Variants in REDIC1 observed in about 807,000 individuals in gnomAD.
REDIC1 encodes the protein HEI10 Interacting Protein 1.
the REDIC1 span, among the ~76,000 whole-genome samples, chr12:39,674,832 A>G: frequency 7.9e-5 from 12 of 152,192 alleles, no homozygotes; most frequent in Non-Finnish European, 1.6e-4. Flanking sequence ...GAGGGGCCAC[A>G]GGGTGAAAGA....
chr12:39,631,946 C>A, the REDIC1 span, among the ~76,000 whole-genome samples: 1 of 151,872 alleles, frequency 6.6e-6, no homozygotes, highest in East Asian at 1.9e-4. Context: ...CACATGTATA[C>A]AATAAATATT....
At chr12:39,749,766 C>T in the REDIC1 span, among the ~76,000 whole-genome samples, 2,589 of 151,868 alleles carry the variant, frequency 0.017, 31 homozygotes, top group Non-Finnish European at 0.028. Context: ...GTTCAACATA[C>T]GGAAATCAAT....
At chr12:39,732,359 C>T in the REDIC1 span, among the ~76,000 whole-genome samples, 3 of 152,258 alleles carry the variant, frequency 2.0e-5, no homozygotes, top group Admixed American at 1.3e-4. Context: ...GAGGTTTGAT[C>T]AAACCTATAT....
chr12:39,795,100 A>G, the REDIC1 span, among the ~76,000 whole-genome samples: 1 of 152,060 alleles, frequency 6.6e-6, no homozygotes, highest in Non-Finnish European at 1.5e-5. Context: ...ACATTTAAAT[A>G]TTGCCTCTTC....
the REDIC1 span, among the ~76,000 whole-genome samples, chr12:39,661,710 G>C: frequency 6.6e-6 from 1 of 151,874 alleles, no homozygotes; most frequent in Non-Finnish European, 1.5e-5. Context: ...TGAAGTCTAA[G>C]TCATAAAATC....
At chr12:39,691,610 A>G in the REDIC1 span, among the ~76,000 whole-genome samples, 21 of 152,304 alleles carry the variant, frequency 1.4e-4, no homozygotes, top group East Asian at 3.7e-3. Flanking sequence ...ATAGAAAGTG[A>G]TGGAAACCAA....
the REDIC1 span, among the ~76,000 whole-genome samples, chr12:39,665,466 T>G: frequency 0.79 from 117,282 of 148,416 alleles, 47,072 homozygotes; most frequent in Non-Finnish European, 0.86. Flanking sequence ...TGCTGTTTTG[T>G]TTACTGTAGC....
chr12:39,670,743 CT>C, the REDIC1 span, among the ~76,000 whole-genome samples: 113,910 of 145,982 alleles, frequency 0.78, 44,814 homozygotes, highest in Non-Finnish European at 0.85. Flanking sequence ...ATTTCTTCTT[CT>C]TTTTTTTTTT....
chr12:39,736,240 A>T, the REDIC1 span, among the ~76,000 whole-genome samples: 2 of 152,178 alleles, frequency 1.3e-5, no homozygotes, highest in Non-Finnish European at 2.9e-5. Context: ...GGACTATTGT[A>T]TCTTTCTTTT....
At chr12:39,790,475 T>C in the REDIC1 span, among the ~76,000 whole-genome samples, 3 of 150,690 alleles carry the variant, frequency 2.0e-5, no homozygotes, top group Non-Finnish European at 1.5e-5. Flanking sequence ...CGGTGTTTGG[T>C]TTTTTGTTCT....
At chr12:39,660,771 G>A in the REDIC1 span, among the ~76,000 whole-genome samples, 4 of 151,898 alleles carry the variant, frequency 2.6e-5, no homozygotes, top group East Asian at 1.9e-4. Context: ...TCTATTATAT[G>A]TTTGTACCCA....
At chr12:39,699,136 C>T in the REDIC1 span, among the ~76,000 whole-genome samples, 1 of 152,102 alleles carries the variant, frequency 6.6e-6, no homozygotes, top group East Asian at 1.9e-4. Flanking sequence ...AATCAGAGGC[C>T]CAGCGTGAGC....
chr12:39,699,421 T>G, the REDIC1 span, among the ~76,000 whole-genome samples: 1 of 152,192 alleles, frequency 6.6e-6, no homozygotes, highest in Non-Finnish European at 1.5e-5. Flanking sequence ...ACCAGGAGAT[T>G]ATATCCCGCA....
the REDIC1 span, among the ~76,000 whole-genome samples, chr12:39,645,162 A>C: frequency 6.6e-6 from 1 of 152,010 alleles, no homozygotes; most frequent in South Asian, 2.1e-4. Flanking sequence ...GAAAGCTGAG[A>C]GTAACCTTCC....
chr12:39,851,179 CAT>C, the REDIC1 span, among the ~76,000 whole-genome samples: 1 of 152,110 alleles, frequency 6.6e-6, no homozygotes, highest in Admixed American at 6.5e-5. Context: ...AGATTACAGG[CAT>C]GAGTCACCGT....
At chr12:39,845,480 T>G in the REDIC1 span, among the ~76,000 whole-genome samples, 2 of 152,170 alleles carry the variant, frequency 1.3e-5, no homozygotes, top group African/African-American at 4.8e-5. Flanking sequence ...TAACTTACAG[T>G]GCTTTCCTTC....
the REDIC1 span, among the ~76,000 whole-genome samples, chr12:39,842,557 A>G: frequency 6.6e-6 from 1 of 152,080 alleles, no homozygotes; most frequent in Non-Finnish European, 1.5e-5. Context: ...AGTAAAATGG[A>G]GGCAGAAAGT....
chr12:39,897,097 GTTCT>G, the REDIC1 span, among the ~76,000 whole-genome samples: 8 of 152,128 alleles, frequency 5.3e-5, no homozygotes, highest in Non-Finnish European at 8.8e-5. Context: ...CTAGTTGATA[GTTCT>G]TTCTTTATCA....
At chr12:39,896,382 A>T in the REDIC1 span, among the ~76,000 whole-genome samples, 35 of 128,838 alleles carry the variant, frequency 2.7e-4, no homozygotes, top group African/African-American at 9.2e-4. Context: ...ACATATATGT[A>T]TGTATATGTG....
Sources: gnomAD v4.1 joint callset for allele counts (sites outside exome capture counted in the v4.1 genomes callset) on GRCh38, gnomAD v4.1.1 for gene constraint, MANE v1.5 for transcripts, NCBI Gene and HGNC (gene_info 2026-07-23, HGNC 2026-07-21) for gene names.